ALDH1L1: variants seen among roughly 807,000 people sequenced by gnomAD.
ALDH1L1 encodes cytosolic 10-formyltetrahydrofolate dehydrogenase.
A neutral mutation model predicts 101.1 loss-of-function variants in ALDH1L1; 68 were observed. The observed-to-expected ratio is 0.67, with a 90% confidence interval of 0.55 to 0.82. The LOEUF is 0.82. Among genes scored for constraint, ALDH1L1 ranks in the 40% least tolerant of loss-of-function variants. The pLI is 0.00. For missense variants in ALDH1L1, 1,087 were observed against 1,172.7 expected (o/e 0.93, Z 1.07); for synonymous variants, 486 against 470.8 (o/e 1.03, Z -0.42).
At chr3:126,196,939 C>A (rs965577498) in intron 1 of ALDH1L1, among the ~76,000 whole-genome samples, 1 of 152,176 alleles carries the variant, frequency 6.6e-6, no homozygotes, top group Non-Finnish European at 1.5e-5. Flanking sequence ...TAATTTTGAG[C>A]TTGCAAAGCC....
intron 17 of ALDH1L1, 137 bp from the exon 18 acceptor site, chr3:126,114,793 T>TCCCCCCCCCCCCCCCCCCCCCC: frequency 3.4e-6 from 2 of 595,648 alleles, no homozygotes; most frequent in South Asian, 1.9e-5. Flanking sequence ...GCCTCCCCAC[T>TCCCCCCCCCCCCCCCCCCCCCC]CCCCCCCACC....
rs192467020 is a variant in ALDH1L1, at chr3:126,176,377, A to G, written c.-24+4099T>C. Among the ~76,000 whole-genome samples the G allele has an allele frequency of 5.0e-3, 755 of 152,286 alleles. 6 individuals carry two copies. The highest frequency in any genetic ancestry group is 6.5e-3 in the Non-Finnish European group (441 of 68,010). ...ACAAAAGACCTGGGATAGTCAACAC[A>G]ATATTGAAGGAGAACGAAGTTAGAG... On this transcript the variant is annotated intron_variant, in intron 1 of 22. Transcript: ENST00000393434.
chr3:126,112,417 C>T (rs1946108479), intron 19 of ALDH1L1, among the ~76,000 whole-genome samples: 1 of 152,184 alleles, frequency 6.6e-6, no homozygotes, highest in Admixed American at 6.5e-5. Flanking sequence ...CAGGCTCTTG[C>T]TCCATTCTGT....
chr3:126,123,635 C>CAAAAAAAAAAAAAAAAA (rs10652286), intron 16 of ALDH1L1, among the ~76,000 whole-genome samples: 1 of 128,870 alleles, frequency 7.8e-6, no homozygotes, highest in Non-Finnish European at 1.6e-5. Flanking sequence ...CAAAAAGCTG[C>CAAAAAAAAAAAAAAAAA]AAAAAAAAAA....
At chr3:126,180,868 G>A, upstream of ALDH1L1, 1 of 1,567,080 alleles carries the variant, frequency 6.4e-7, no homozygotes, top group African/African-American at 1.4e-5. Context: ...GCAGTTCTGA[G>A]CGCTGGCAAG....
intron 1 of ALDH1L1, among the ~76,000 whole-genome samples, chr3:126,163,539 T>G (rs1488498737): frequency 2.0e-5 from 3 of 152,354 alleles, no homozygotes; most frequent in South Asian, 2.1e-4. Flanking sequence ...CCATTCAATA[T>G]TTGACCATTG....
intron 12 of ALDH1L1, among the ~76,000 whole-genome samples, 160 bp from the exon 13 acceptor site, chr3:126,131,694 G>A (rs1209565303): frequency 6.6e-6 from 1 of 152,242 alleles, no homozygotes; most frequent in Non-Finnish European, 1.5e-5. Context: ...CAATGGGCCA[G>A]CACCGTTTAC....
chr3:126,127,675 A>G (rs537734370), intron 14 of ALDH1L1, among the ~76,000 whole-genome samples: 1 of 152,214 alleles, frequency 6.6e-6, no homozygotes, highest in South Asian at 2.1e-4. Context: ...CTCACTGCTG[A>G]GGTTGCGGTG....
intron 17 of ALDH1L1, among the ~76,000 whole-genome samples, chr3:126,116,780 T>C (rs1349243544): frequency 6.6e-6 from 1 of 152,166 alleles, no homozygotes; most frequent in African/African-American, 2.4e-5. Context: ...AGCTTGTCAG[T>C]GATGGAGACC....
In ALDH1L1 at chr3:126,125,676, C is replaced by G; in HGVS notation, c.1740G>C (p.Leu580=). The change falls in exon 15 of 23, where the codon CTG becomes CTC. Residue 580 remains leucine, a synonymous_variant. Transcript: ENST00000393434. ...IIPWNYPLMM[L]SWKTAACLAA... ...CCAGGCAGGCAGCTGTCTTCCAGGACAGCATCATCAGGGGATAGTTCCAGG... is the reference window on the plus strand; with the variant it reads ...CCAGGCAGGCAGCTGTCTTCCAGGAGAGCATCATCAGGGGATAGTTCCAGG... 6.3e-7 allele frequency: 1 copy of G among 1,598,768 alleles called. No homozygotes were observed. The highest frequency in any genetic ancestry group is 8.5e-7 in the Non-Finnish European group (1 of 1,171,708).
At chr3:126,142,063 G>A (rs2080579068) in intron 9 of ALDH1L1, among the ~76,000 whole-genome samples, 1 of 150,448 alleles carries the variant, frequency 6.6e-6, no homozygotes, top group Non-Finnish European at 1.5e-5. Flanking sequence ...GAAAATACAT[G>A]ATAAATTATA....
At chr3:126,112,140 G>A (rs552004868) in intron 19 of ALDH1L1, among the ~76,000 whole-genome samples, 384 of 152,294 alleles carry the variant, frequency 2.5e-3, no homozygotes, top group Non-Finnish European at 3.9e-3. Flanking sequence ...CATCTGTCCC[G>A]AGGCCAGCAT....
intron 1 of ALDH1L1, among the ~76,000 whole-genome samples, chr3:126,174,378 T>G (rs1029122394): frequency 6.6e-6 from 1 of 152,212 alleles, no homozygotes; most frequent in Non-Finnish European, 1.5e-5. Flanking sequence ...AGTAAGGACA[T>G]AGTTGAACAG....
intron 1 of ALDH1L1, among the ~76,000 whole-genome samples, chr3:126,177,440 G>A (rs1046626898): frequency 2.6e-5 from 4 of 152,064 alleles, no homozygotes; most frequent in African/African-American, 4.8e-5. Context: ...TTTGCTAAGC[G>A]AAAGAAGCCA....
At chr3:126,166,209 C>T (rs1346289386) in intron 1 of ALDH1L1, among the ~76,000 whole-genome samples, 4 of 152,164 alleles carry the variant, frequency 2.6e-5, no homozygotes, top group Non-Finnish European at 5.9e-5. Context: ...CCTCCCCTGC[C>T]ATTCTCCCTC....
At chr3:126,154,294 C>A (rs1177831074) in intron 6 of ALDH1L1, among the ~76,000 whole-genome samples, 2 of 152,176 alleles carry the variant, frequency 1.3e-5, no homozygotes, top group Non-Finnish European at 2.9e-5. Context: ...TATTTCACCA[C>A]CAATACAGCT....
chr3:126,113,836 G>A (rs1946156961), intron 18 of ALDH1L1, among the ~76,000 whole-genome samples: 1 of 152,218 alleles, frequency 6.6e-6, no homozygotes. Flanking sequence ...GTGAGAACAA[G>A]GACTGACACA....
chr3:126,134,104 G>A (rs951801753), intron 12 of ALDH1L1, among the ~76,000 whole-genome samples: 3 of 151,998 alleles, frequency 2.0e-5, no homozygotes, highest in Non-Finnish European at 4.4e-5. Flanking sequence ...CCCTGACAGG[G>A]TGCTCTGCAG....
intron 16 of ALDH1L1, 48 bp downstream of exon 16, chr3:126,124,316 T>C: frequency 6.6e-7 from 1 of 1,519,040 alleles, no homozygotes; most frequent in Middle Eastern, 1.7e-4. Context: ...CCCAATGGCA[T>C]CTCCAGCTGC....
Sources: gnomAD v4.1 joint callset for allele counts (sites outside exome capture counted in the v4.1 genomes callset) on GRCh38, gnomAD v4.1.1 for gene constraint, MANE v1.5 for transcripts, NCBI Gene and HGNC (gene_info 2026-07-23, HGNC 2026-07-21) for gene names.